The following TCERG1L variants were observed in gnomAD, a reference collection of about 807,000 sequenced individuals.
The protein encoded by TCERG1L is transcription elongation regulator 1-like protein.
In TCERG1L, 37 loss-of-function variants were observed where a neutral mutation model predicts 56.3. That is an observed-to-expected ratio of 0.66 (90% CI 0.51 to 0.87). The LOEUF (loss-of-function observed/expected upper bound fraction) is 0.87, where lower values mean the gene tolerates loss of function less well. TCERG1L is among the 40% of genes least tolerant of loss of function. The probability of loss-of-function intolerance (pLI) is 0.00; values close to 1 mark genes in which losing one functional copy is unlikely to be tolerated. For synonymous variants in TCERG1L, 324 were observed against 326.3 expected, an observed-to-expected ratio of 0.99 and a Z score of 0.08; for missense variants, 799 against 774.2, an observed-to-expected ratio of 1.03 and a Z score of -0.38.
At chr10:131,137,779 T>A (rs568791213) in intron 7 of TCERG1L, among the ~76,000 whole-genome samples, 18 of 152,184 alleles carry the variant, frequency 1.2e-4, no homozygotes, top group Admixed American at 1.1e-3. Flanking sequence ...TCCAGACTCA[T>A]AAACAAAAAT....
intron 9 of TCERG1L, among the ~76,000 whole-genome samples, 159 bp downstream of exon 9, chr10:131,116,640 G>A (rs958619150): frequency 1.3e-5 from 2 of 152,168 alleles, no homozygotes; most frequent in Admixed American, 1.3e-4. Context: ...GCCTGAACAG[G>A]AACTCAGTAA....
intron 3 of TCERG1L, among the ~76,000 whole-genome samples, chr10:131,268,030 G>A (rs1195981708): frequency 6.6e-6 from 1 of 152,162 alleles, no homozygotes; most frequent in Non-Finnish European, 1.5e-5. Flanking sequence ...CTCAGCAGTG[G>A]GAGCAGTCAC....
At chr10:131,291,343 G>GAT (rs1554900081) in intron 3 of TCERG1L, among the ~76,000 whole-genome samples, 2 of 130,774 alleles carry the variant, frequency 1.5e-5, no homozygotes, top group East Asian at 2.6e-4. Context: ...ATATAGCCAA[G>GAT]ATATATATAG....
At chr10:131,175,799 C>T (rs1056544876) in intron 4 of TCERG1L, among the ~76,000 whole-genome samples, 5 of 152,016 alleles carry the variant, frequency 3.3e-5, no homozygotes, top group Non-Finnish European at 5.9e-5. Flanking sequence ...GAAGAGATGG[C>T]TAGATGGAGG....
At chr10:131,104,738 A>G (rs61554671) in intron 9 of TCERG1L, among the ~76,000 whole-genome samples, 6,279 of 152,326 alleles carry the variant, frequency 0.041, 203 homozygotes, top group African/African-American at 0.094. Flanking sequence ...TCTTGAAAAC[A>G]GGCTGAGTTT....
intron 4 of TCERG1L, among the ~76,000 whole-genome samples, chr10:131,251,403 C>T (rs1250307167): frequency 6.6e-6 from 1 of 152,028 alleles, no homozygotes; most frequent in Non-Finnish European, 1.5e-5. Flanking sequence ...CGGGCCAGCC[C>T]CCAGGCCCTG....
chr10:131,180,569 T>C lies in TCERG1L; in HGVS notation c.857-13684A>G, dbSNP rs185295049. Among the ~76,000 whole-genome samples, 159 of 152,322 alleles carry C rather than the reference T, an allele frequency of 1.0e-3. 1 individual carries two copies. The highest frequency in any genetic ancestry group is 3.8e-3 in the African/African-American group (156 of 41,576). On this transcript the variant is annotated intron_variant, in intron 4 of 11. Coordinates refer to ENST00000368642, the MANE Select transcript of TCERG1L (RefSeq NM_174937.4). ...CTACCATCTACTGCTGATACGATTGTGTAGAAGAAAGAGAATTTCAAGGGG... is the reference window on the plus strand; with the variant it reads ...CTACCATCTACTGCTGATACGATTGCGTAGAAGAAAGAGAATTTCAAGGGG...
At chr10:131,258,250 G>A (rs779266455) in intron 4 of TCERG1L, among the ~76,000 whole-genome samples, 10 of 152,232 alleles carry the variant, frequency 6.6e-5, no homozygotes, top group Admixed American at 2.0e-4. Flanking sequence ...GGCCTCTTGC[G>A]ATGGTTTAGA....
At chr10:131,211,822 C>A (rs1845624144) in intron 4 of TCERG1L, among the ~76,000 whole-genome samples, 1 of 152,140 alleles carries the variant, frequency 6.6e-6, no homozygotes, top group African/African-American at 2.4e-5. Context: ...CAGACGGCGG[C>A]TGGGAGCATC....
intron 4 of TCERG1L, among the ~76,000 whole-genome samples, chr10:131,226,915 T>C (rs866479904): frequency 2.0e-5 from 3 of 152,320 alleles, no homozygotes; most frequent in Middle Eastern, 6.8e-3. Flanking sequence ...AGAAGCAGAA[T>C]GTGCGGGCCC....
At chr10:131,123,891 G>C (rs1845538888) in intron 8 of TCERG1L, among the ~76,000 whole-genome samples, 1 of 150,990 alleles carries the variant, frequency 6.6e-6, no homozygotes, top group Non-Finnish European at 1.5e-5. Flanking sequence ...GGACATCCAA[G>C]ACTGCCCCGT....
intron 8 of TCERG1L, among the ~76,000 whole-genome samples, chr10:131,128,552 T>C (rs1228496143): frequency 6.6e-6 from 1 of 152,216 alleles, no homozygotes; most frequent in Non-Finnish European, 1.5e-5. Flanking sequence ...CAATTCACAG[T>C]AAGTTGGTCA....
chr10:131,138,903 C>T (rs1032571380), intron 7 of TCERG1L, among the ~76,000 whole-genome samples: 5 of 152,148 alleles, frequency 3.3e-5, no homozygotes, highest in African/African-American at 9.7e-5. Context: ...GCAAAAAAAT[C>T]GAAAGACCAG....
chr10:131,181,448 C>CT lies in TCERG1L; in HGVS notation c.857-14564dup, dbSNP rs541254671. Among the ~76,000 whole-genome samples, 350 of 152,358 alleles carry CT rather than the reference C, an allele frequency of 2.3e-3. 5 individuals carry two copies. Among genetic ancestry groups the CT allele is most frequent in the Non-Finnish European group, 7.1e-4 (48 of 68,038 alleles). On this transcript the variant is annotated intron_variant, in intron 4 of 11. Transcript: ENST00000368642. ...GTTGGGGGAGCATCACCTACCTTCT[C>CT]TGAGATTCAATTTCTCCATCAACTG... is the stretch of plus-strand genomic sequence containing the variant.
intron 3 of TCERG1L, among the ~76,000 whole-genome samples, chr10:131,298,549 T>C (rs1324710778): frequency 6.6e-6 from 1 of 151,938 alleles, no homozygotes; most frequent in Non-Finnish European, 1.5e-5. Flanking sequence ...AAGTAGCAGG[T>C]ACTACAGGCA....
intron 3 of TCERG1L, among the ~76,000 whole-genome samples, chr10:131,269,702 G>GT (rs1185231319): frequency 1.3e-5 from 2 of 152,104 alleles, no homozygotes; most frequent in Non-Finnish European, 2.9e-5. Flanking sequence ...CACAACAGAC[G>GT]TAACAATACT....
intron 3 of TCERG1L, among the ~76,000 whole-genome samples, chr10:131,278,373 C>G (rs1589770114): frequency 6.7e-6 from 1 of 148,924 alleles, no homozygotes; most frequent in South Asian, 2.2e-4. Flanking sequence ...AGTCTTGCTC[C>G]GTCACCCAGG....
intron 3 of TCERG1L, among the ~76,000 whole-genome samples, chr10:131,270,129 G>C (rs1195161273): frequency 6.6e-6 from 1 of 152,198 alleles, no homozygotes; most frequent in African/African-American, 2.4e-5. Flanking sequence ...CCCACAGTCA[G>C]ACATTTATGA....
intron 4 of TCERG1L, among the ~76,000 whole-genome samples, chr10:131,223,693 CAG>C (rs869249895): frequency 5.1e-4 from 38 of 74,050 alleles, no homozygotes; most frequent in Non-Finnish European, 8.9e-4. Context: ...CTCACGCATA[CAG>C]ACACACACAC....
Sources: allele counts gnomAD v4.1 joint callset (sites outside exome capture counted in the v4.1 genomes callset), GRCh38; gene constraint gnomAD v4.1.1; transcripts MANE v1.5; gene names NCBI Gene and HGNC (gene_info 2026-07-23, HGNC 2026-07-21).